KIAA0232: variants seen among roughly 807,000 people sequenced by gnomAD.
KIAA0232 encodes uncharacterized protein KIAA0232.
KIAA0232 carries 27 observed loss-of-function variants against 122.0 expected under a neutral mutation model. The ratio of observed to expected loss-of-function variants is 0.22; its 90% CI spans 0.16 to 0.31. The LOEUF (loss-of-function observed/expected upper bound fraction) is 0.31, where lower values mean the gene tolerates loss of function less well. Among genes scored for constraint, KIAA0232 ranks in the 10% least tolerant of loss-of-function variants. The pLI is 1.00. For synonymous variants in KIAA0232, 613 were observed against 587.6 expected (o/e 1.04, Z -0.63); for missense variants, 1,551 against 1,634.2 (o/e 0.95, Z 0.88).
intron 4 of KIAA0232, among the ~76,000 whole-genome samples, chr4:6,850,076 T>A (rs1056151469): frequency 2.0e-5 from 3 of 152,186 alleles, no homozygotes; most frequent in Non-Finnish European, 4.4e-5. Context: ...TTTCAAATGT[T>A]GAAAAGTGAG....
chr4:6,817,614 A>G (rs1718196337), intron 2 of KIAA0232, among the ~76,000 whole-genome samples: 1 of 152,194 alleles, frequency 6.6e-6, no homozygotes, highest in Non-Finnish European at 1.5e-5. Flanking sequence ...GTCAGAGAAC[A>G]TGCATGTATG....
chr4:6,838,246 T>G (rs1440698359), intron 3 of KIAA0232, among the ~76,000 whole-genome samples: 1 of 151,086 alleles, frequency 6.6e-6, no homozygotes, highest in African/African-American at 2.4e-5. Context: ...TGGAGCACAG[T>G]GGCGTGATCT....
At chr4:6,832,182 C>A (rs866793424) in intron 3 of KIAA0232, among the ~76,000 whole-genome samples, 10 of 152,140 alleles carry the variant, frequency 6.6e-5, no homozygotes, top group African/African-American at 2.4e-4. Flanking sequence ...TTTGTCTTAT[C>A]CTCAGTCTTT....
At chr4:6,878,857 C>T (rs914455573) in intron 9 of KIAA0232, among the ~76,000 whole-genome samples, 3 of 152,196 alleles carry the variant, frequency 2.0e-5, no homozygotes, top group African/African-American at 4.8e-5. Flanking sequence ...GTAGCATCAT[C>T]GTCCACGTCC....
At chr4:6,806,425 A>G (rs1333723621) in intron 2 of KIAA0232, among the ~76,000 whole-genome samples, 1 of 152,210 alleles carries the variant, frequency 6.6e-6, no homozygotes, top group East Asian at 1.9e-4. Context: ...CAATTAAACA[A>G]TAAGTTCAAA....
At position 6,857,250 on chromosome 4, in the gene KIAA0232, G is replaced by A. The variant is rs1240231077; in HGVS notation, c.436+20G>A. On this transcript the variant is annotated intron_variant, in intron 5 of 9. Coordinates refer to ENST00000307659, the MANE Select transcript of KIAA0232 (RefSeq NM_014743.3). ...AGCAAGGTGAGGTCAAAAGCACTGT[G>A]CGCACACATGCCAGGATTACATCCC... 1.9e-6 allele frequency: 3 copies of A among 1,599,598 alleles called. No individual in the cohort carries two copies. The African/African-American group carries it at 4.0e-5, about 22-fold the overall frequency.
rs1719694478 is a variant in KIAA0232, at chr4:6,842,060, AT to A, written c.232-5del. The A allele has an allele frequency of 6.2e-7, 1 of 1,613,236 alleles. No individual in the cohort carries two copies. The highest frequency in any genetic ancestry group is 1.1e-5 in the South Asian group (1 of 91,002). ...TGGTCATTTAACCTGGTGCAATTTC[AT>A]TGCAGGAGAATGACATCTTCCTGGG... On this transcript the variant is annotated splice_polypyrimidine_tract_variant and splice_region_variant and intron_variant, in intron 3 of 9. Coordinates refer to ENST00000307659, the MANE Select transcript of KIAA0232 (RefSeq NM_014743.3).
At position 6,864,047 on chromosome 4, in the gene KIAA0232, A is replaced by G. The variant is rs903617562; in HGVS notation, c.3665A>G (p.Asp1222Gly). Residue 1222 changes from aspartate to glycine, a missense_variant, in exon 7 of 10, where the codon GAT (aspartate) becomes GGT (glycine). By Grantham distance (94) the Asp-to-Gly change is moderately conservative. This residue lies in a region of KIAA0232 where 1,108 missense variants were observed against 1,154.8 expected (regional missense o/e 0.96). Coordinates refer to ENST00000307659, the MANE Select transcript of KIAA0232 (RefSeq NM_014743.3). ...AGCATGAATGAATCCCTGGAAATAG[A>G]TTTAGAAAGCTCAGAAGCAAATTGT... Reference protein sequence around the residue: ...ECSMNESLEIDLESSEANCKI... With the variant: ...ECSMNESLEIGLESSEANCKI... The G allele has an allele frequency of 1.2e-6, 2 of 1,614,088 alleles. No homozygotes were observed. Among genetic ancestry groups the G allele is most frequent in the Non-Finnish European group, 1.7e-6 (2 of 1,180,030 alleles).
At chr4:6,834,933 C>G (rs561416065) in intron 3 of KIAA0232, among the ~76,000 whole-genome samples, 1 of 151,844 alleles carries the variant, frequency 6.6e-6, no homozygotes, top group Non-Finnish European at 1.5e-5. Context: ...AGAAACTGCC[C>G]CAAAACTTAG....
At chr4:6,876,809 C>T in intron 9 of KIAA0232, 52 bp downstream of exon 9, 1 of 1,261,374 alleles carries the variant, frequency 7.9e-7, no homozygotes, top group Non-Finnish European at 1.2e-6. Context: ...GCCACCACCT[C>T]CAGTTGTCAC....
chr4:6,802,442 C>G (rs891352909), intron 1 of KIAA0232, among the ~76,000 whole-genome samples: 24 of 152,174 alleles, frequency 1.6e-4, no homozygotes, highest in African/African-American at 5.8e-4. Context: ...CAATATTTTT[C>G]TTAGAAATTT....
At position 6,863,055 on chromosome 4, in the gene KIAA0232, G is replaced by A; in HGVS notation, c.2673G>A (p.Glu891=). Residue 891 remains glutamate (E), a synonymous_variant, in exon 7 of 10, where the codon GAG becomes GAA. Coordinates refer to ENST00000307659, the MANE Select transcript of KIAA0232 (RefSeq NM_014743.3). ...SEYHLWEGQK[E]SLEKRAFASS... Reference sequence around the variant, plus strand: ...ACCATCTGTGGGAGGGACAGAAAGAGAGCCTGGAGAAAAGAGCATTTGCTT... The same window carrying A: ...ACCATCTGTGGGAGGGACAGAAAGAAAGCCTGGAGAAAAGAGCATTTGCTT... The A allele has an allele frequency of 6.2e-7, 1 of 1,614,240 alleles. No individual in the cohort carries two copies. The highest frequency in any genetic ancestry group is 8.5e-7 in the Non-Finnish European group (1 of 1,180,042).
At chr4:6,786,063 A>G (rs1375012580) in intron 1 of KIAA0232, among the ~76,000 whole-genome samples, 1 of 151,914 alleles carries the variant, frequency 6.6e-6, no homozygotes, top group Non-Finnish European at 1.5e-5. Context: ...TTCCTTCATT[A>G]TTGTCTATAT....
intron 3 of KIAA0232, among the ~76,000 whole-genome samples, chr4:6,840,721 CTT>C (rs34081561): frequency 1.1e-4 from 16 of 139,442 alleles, no homozygotes; most frequent in Non-Finnish European, 1.7e-4. Context: ...TATAAGCAGA[CTT>C]TTTTTTTTTT....
At position 6,873,250 on chromosome 4, in the gene KIAA0232, C is replaced by T. The variant is rs1190883182; in HGVS notation, c.3910+1568C>T. Among the ~76,000 whole-genome samples, 6 of 152,214 alleles carry T rather than the reference C, an allele frequency of 3.9e-5. No individual in the cohort carries two copies. The East Asian group carries it at 1.2e-3, about 29-fold the overall frequency. On this transcript the variant is annotated intron_variant, in intron 8 of 9. Transcript: ENST00000307659. ...CGAAATCACACAGTTAACTATTAAG[C>T]ATGGGCTAGAATGTAGGTTGTGATT...
intron 3 of KIAA0232, among the ~76,000 whole-genome samples, chr4:6,837,019 C>G (rs572071919): frequency 2.6e-5 from 4 of 152,346 alleles, no homozygotes; most frequent in African/African-American, 7.2e-5. Context: ...TTCGACAAAA[C>G]CGCCATCGTC....
intron 1 of KIAA0232, among the ~76,000 whole-genome samples, chr4:6,784,958 GAGACGGAGTCTCGCTCTGCCGCCCAGGCT>G (rs1716548585): frequency 1.5e-5 from 1 of 64,554 alleles, no homozygotes; most frequent in Non-Finnish European, 3.5e-5. Flanking sequence ...TTTTTTTTTT[GAGACGGAGTCTCGCTCTGCCGCCCAGGCT>G]GGAGTCCGCG....
At chr4:6,876,555 G>A (rs1250244262) in intron 8 of KIAA0232, 105 bp from the exon 9 acceptor site, 1 of 808,592 alleles carries the variant, frequency 1.2e-6, no homozygotes, top group Non-Finnish European at 2.0e-6. Context: ...CCTAACTGAT[G>A]TAGCTTTTTA....
chr4:6,832,002 C>T (rs1390246561), intron 3 of KIAA0232, among the ~76,000 whole-genome samples: 1 of 152,348 alleles, frequency 6.6e-6, no homozygotes, highest in African/African-American at 2.4e-5. Context: ...CAATGCCTGG[C>T]ACCTCAGCAG....
Sources: allele counts gnomAD v4.1 joint callset (sites outside exome capture counted in the v4.1 genomes callset), GRCh38; gene constraint gnomAD v4.1.1; regional missense constraint gnomAD v4.1.1; transcripts MANE v1.5; gene names NCBI Gene and HGNC (gene_info 2026-07-23, HGNC 2026-07-21).